Variants in AP5Z1 observed in about 807,000 individuals in gnomAD.
The protein encoded by AP5Z1 is adaptor related protein complex 5 subunit zeta 1.
Under a neutral mutation model 83.0 loss-of-function variants are expected in AP5Z1, and 106 were observed. The ratio of observed to expected loss-of-function variants is 1.28; its 90% confidence interval spans 1.09 to 1.50. The LOEUF (loss-of-function observed/expected upper bound fraction) is 1.50, where lower values mean the gene tolerates loss of function less well. AP5Z1 is among the 40% of genes most tolerant of loss of function. The pLI, the probability that AP5Z1 is intolerant of heterozygous loss-of-function variation, is 0.00. For synonymous variants in AP5Z1, 751 were observed against 514.1 expected, an observed-to-expected ratio of 1.46 and a Z score of -6.23; for missense variants, 1,565 against 1,094.2, an observed-to-expected ratio of 1.43 and a Z score of -6.07.
At position 4,784,995 on chromosome 7, in the gene AP5Z1, T is replaced by A. The variant is rs770181447; in HGVS notation, c.878T>A (p.Leu293His). Residue 293 changes from leucine (L) to histidine (H), a missense_variant, in exon 7 of 17, where the codon CTT (leucine) becomes CAT (histidine). Physicochemically the swap from Leu to His is moderately conservative, Grantham distance 99 (BLOSUM62 -3). Transcript: ENST00000649063. ...AGRLLPPRER[L>H]REVAFEYCQR... ...CGCCTGCTGCCGCCCCGGGAGCGGC[T>A]TCGGGAGGTGGCCTTCGAGTACTGC... 45 of 1,611,758 alleles carry A rather than the reference T, an allele frequency of 2.8e-5. No individual in the cohort carries two copies. In the South Asian group the frequency reaches 4.9e-4, roughly 18 times the overall value.
intron 1 of AP5Z1, among the ~76,000 whole-genome samples, chr7:4,776,466 CA>C (rs1781228189): frequency 6.6e-6 from 1 of 151,744 alleles, no homozygotes; most frequent in Non-Finnish European, 1.5e-5. Context: ...CCTGTAATCC[CA>C]CCACTTTGGG....
intron 11 of AP5Z1, 86 bp downstream of exon 11, chr7:4,787,862 T>C: frequency 7.0e-7 from 1 of 1,426,810 alleles, no homozygotes; most frequent in Non-Finnish European, 9.3e-7. Context: ...TCCTGACCCC[T>C]ACACCGGGGA....
rs1222953638 is a variant in AP5Z1 at position 4,791,249 on chromosome 7, T to C, written c.2288T>C (p.Val763Ala). 2.5e-6 allele frequency: 4 copies of C among 1,612,732 alleles called. No individual in the cohort carries two copies. The South Asian group carries it at 3.3e-5, about 13-fold the overall frequency. ...CTGACCCTGCTGAAGATGCCTAGCG[T>C]GGCCCAGTTTGTGCTCACACCCAGC... The part of the protein sequence containing the change: ...ELLTLLKMPS[V>A]AQFVLTPSTE... Residue 763 changes from valine to alanine, a missense_variant, in exon 17 of 17, where the codon GTG (valine) becomes GCG (alanine). Coordinates refer to ENST00000649063, the MANE Select transcript of AP5Z1 (RefSeq NM_014855.3).
chr7:4,781,772 ACCCC>A lies in AP5Z1; in HGVS notation c.366+19_366+22del. The A allele has an allele frequency of 6.6e-7, 1 of 1,520,066 alleles. No individual in the cohort carries two copies. The highest frequency in any genetic ancestry group is 8.9e-7 in the Non-Finnish European group (1 of 1,125,996). The allele number at this position is 1,520,066 out of a possible 1,614,324, so 94.2% of individuals were successfully genotyped here. ...TGGCCCAGGTAGCGCAGCAGTCACC[ACCCC>A]AGTTGGCACCGGATGGCTGCTTCCC... is the stretch of plus-strand genomic sequence containing the variant. On this transcript the variant is annotated intron_variant, in intron 3 of 16. Transcript: ENST00000649063.
At chr7:4,784,485 C>A in intron 6 of AP5Z1, 114 bp downstream of exon 6, 1 of 1,315,292 alleles carries the variant, frequency 7.6e-7, no homozygotes, top group Non-Finnish European at 1.0e-6. Context: ...CAGGATGCAG[C>A]AGAGGTCAGG....
chr7:4,790,360 C>T (rs1012215873), intron 14 of AP5Z1, 99 bp from the exon 15 acceptor site: 12 of 1,580,918 alleles, frequency 7.6e-6, no homozygotes, highest in East Asian at 7.0e-5. Context: ...CATACACCTA[C>T]CACTCAGACG....
In AP5Z1 at chr7:4,786,185, C is replaced by G. The variant is rs1172617289; in HGVS notation, c.1133-65C>G. The G allele has an allele frequency of 1.3e-5, 19 of 1,480,598 alleles. No homozygotes were observed. The South Asian group carries it at 2.3e-4, about 18-fold the overall frequency. The allele number at this position is 1,480,598 out of a possible 1,614,324, so 91.7% of individuals were successfully genotyped here. On this transcript the variant is annotated intron_variant, in intron 9 of 16. Coordinates refer to ENST00000649063, the MANE Select transcript of AP5Z1 (RefSeq NM_014855.3). ...CAGGCCTGAGACTCAGGGCCCCTAA[C>G]CAGTCACAGAAGCACGGCCAGGGCG... is the stretch of plus-strand genomic sequence containing the variant.
chr7:4,783,939 T>C, intron 5 of AP5Z1, 141 bp downstream of exon 5: 1 of 1,006,004 alleles, frequency 9.9e-7, no homozygotes, highest in South Asian at 1.7e-5. Context: ...GGGGCTTGGG[T>C]CAGGCAGGGC....
intron 1 of AP5Z1, among the ~76,000 whole-genome samples, chr7:4,780,248 C>G (rs1781342999): frequency 6.6e-6 from 1 of 152,132 alleles, no homozygotes; most frequent in Non-Finnish European, 1.5e-5. Context: ...TAAAATTAAG[C>G]CAATTAGTTA....
Position 4,791,504 on chromosome 7 carries a change from C to T in AP5Z1, c.*119C>T. ...GAGTCCTGGGAGAGGAGGCAAGGCC[C>T]ACGGTGGGCTTGGCACCCTCACAGA... On this transcript the variant is annotated 3_prime_UTR_variant, in exon 17 of 17. Transcript: ENST00000649063. 1 of 1,410,934 alleles carries T rather than the reference C, an allele frequency of 7.1e-7. No homozygotes were observed. The highest frequency in any genetic ancestry group is 1.5e-5 in the South Asian group (1 of 68,544). 87.4% of individuals were successfully genotyped at this position (1,410,934 alleles called of 1,614,324 possible).
Position 4,790,546 on chromosome 7 carries a change from C to A in AP5Z1, c.1893C>A (p.Gly631=). 6.2e-7 allele frequency: 1 copy of A among 1,613,144 alleles called. No individual in the cohort carries two copies. The highest frequency in any genetic ancestry group is 8.5e-7 in the Non-Finnish European group (1 of 1,179,872). ...CAAGAGACCTGCTGGAGTTCCTGGG[C>A]AGCGTGAATGGTCTCTGCAGCAGGG... is the stretch of plus-strand genomic sequence containing the variant. ...ELARDLLEFL[G]SVNGLCSRAS... Residue 631 remains glycine, a synonymous_variant, in exon 15 of 17, where the codon GGC becomes GGA. Coordinates refer to ENST00000649063, the MANE Select transcript of AP5Z1 (RefSeq NM_014855.3).
At position 4,786,287 on chromosome 7, in the gene AP5Z1, G is replaced by A. The variant is rs748636393; in HGVS notation, c.1170G>A (p.Gln390=). Residue 390 remains glutamine, a synonymous_variant, in exon 10 of 17, where the codon CAG becomes CAA. Transcript: ENST00000649063. The part of the protein sequence containing the change: ...AAAVDSEAVY[Q]HLFTRIPVEQ... ...CAGTGGACTCGGAAGCCGTCTACCA[G>A]CACCTGTTCACCAGGATCCCGGTGG... 1.2e-6 allele frequency: 2 copies of A among 1,613,296 alleles called. No homozygotes were observed. Among genetic ancestry groups the A allele is most frequent in the Non-Finnish European group, 1.7e-6 (2 of 1,179,562 alleles).
chr7:4,788,090 G>T, intron 11 of AP5Z1, 64 bp from the exon 12 acceptor site: 2 of 1,459,454 alleles, frequency 1.4e-6, no homozygotes, highest in African/African-American at 1.4e-5. Flanking sequence ...GTGTCTCCCT[G>T]ACGGGGGTGC....
intron 2 of AP5Z1, 122 bp downstream of exon 2, chr7:4,781,434 T>A: frequency 2.6e-6 from 4 of 1,547,686 alleles, no homozygotes; most frequent in Non-Finnish European, 3.5e-6. Flanking sequence ...CTTAAACCAG[T>A]GCTGAAGGTC....
In AP5Z1 at chr7:4,794,245, C is replaced by T. The variant is rs1465577106; in HGVS notation, c.*2860C>T. On this transcript the variant is annotated 3_prime_UTR_variant, in exon 17 of 17. Coordinates refer to ENST00000649063, the MANE Select transcript of AP5Z1 (RefSeq NM_014855.3). ...CCAATCAGCACCCTGTCAAAACAGA[C>T]CACTCGGCTCTACCAGTCAGCAGGA... The T allele has an allele frequency of 6.6e-6, 1 of 152,226 alleles. No individual in the cohort carries two copies. Among genetic ancestry groups the T allele is most frequent in the Non-Finnish European group, 1.5e-5 (1 of 68,078 alleles). 9.4% of individuals were successfully genotyped at this position (152,226 alleles called of 1,614,324 possible).
In AP5Z1 at chr7:4,791,794, G is replaced by A. The variant is rs1333997252; in HGVS notation, c.*409G>A. 2 of 174,036 alleles carry A rather than the reference G, an allele frequency of 1.1e-5. No individual in the cohort carries two copies. The highest frequency in any genetic ancestry group is 2.4e-5 in the Non-Finnish European group (2 of 82,368). The allele number at this position is 174,036 out of a possible 1,614,324, so 10.8% of individuals were successfully genotyped here. On this transcript the variant is annotated 3_prime_UTR_variant, in exon 17 of 17. Coordinates refer to ENST00000649063, the MANE Select transcript of AP5Z1 (RefSeq NM_014855.3). Reference sequence around the variant, plus strand: ...GAGTGCGCGATCAGTTCCGTTACCTGCCCTGCACCCTGGGGAGAGGACCAG... The same window carrying A: ...GAGTGCGCGATCAGTTCCGTTACCTACCCTGCACCCTGGGGAGAGGACCAG...
At chr7:4,777,253 G>T (rs1357280990) in intron 1 of AP5Z1, among the ~76,000 whole-genome samples, 6 of 152,008 alleles carry the variant, frequency 3.9e-5, no homozygotes, top group Non-Finnish European at 8.8e-5. Context: ...CAAGGTCCTT[G>T]CCAAGAGACA....
At chr7:4,790,423 T>C (rs1781723830) in intron 14 of AP5Z1, 36 bp from the exon 15 acceptor site, 4 of 1,612,476 alleles carry the variant, frequency 2.5e-6, no homozygotes, top group African/African-American at 1.3e-5. Context: ...GTCATAGGTC[T>C]GCACAGAGCA....
chr7:4,789,882 G>A lies in AP5Z1; in HGVS notation c.1758G>A (p.Arg586=). 1 of 1,552,606 alleles carries A rather than the reference G, an allele frequency of 6.4e-7. No homozygotes were observed. The highest frequency in any genetic ancestry group is 8.7e-7 in the Non-Finnish European group (1 of 1,148,342). ...AGCTGGCGCTGCTGCTCCTGGGCAG[G>A]AGCGACTCGCTCTACCCGGCCCCAG... is the stretch of plus-strand genomic sequence containing the variant. ...INQLALLLLG[R]SDSLYPAPGY... The change falls in exon 14 of 17, where the codon AGG becomes AGA. Residue 586 remains arginine, a synonymous_variant. Transcript: ENST00000649063.
Sources: gnomAD v4.1 joint callset for allele counts (sites outside exome capture counted in the v4.1 genomes callset) on GRCh38, gnomAD v4.1.1 for gene constraint, MANE v1.5 for transcripts, NCBI Gene and HGNC (gene_info 2026-07-23, HGNC 2026-07-21) for gene names.